Variants in MAN1A2 observed in about 807,000 individuals in gnomAD.
MAN1A2 encodes mannosidase alpha class 1A member 2.
Under a neutral mutation model 75.7 loss-of-function variants are expected in MAN1A2, and 26 were observed. The ratio of observed to expected loss-of-function variants is 0.34; its 90% CI spans 0.25 to 0.48. The LOEUF (loss-of-function observed/expected upper bound fraction) is 0.48, where lower values mean the gene tolerates loss of function less well. MAN1A2 is among the 20% of genes least tolerant of loss of function. MAN1A2 has a pLI of 0.99. For synonymous variants in MAN1A2, 247 were observed against 264.6 expected (o/e 0.93, Z 0.65); for missense variants, 562 against 775.5 (o/e 0.72, Z 3.27).
intron 7 of MAN1A2, 86 bp from the exon 8 acceptor site, chr1:117,466,248 T>A: frequency 2.4e-6 from 2 of 841,492 alleles, no homozygotes; most frequent in Non-Finnish European, 3.7e-6. Flanking sequence ...AGATTCTGAG[T>A]AAGAAAAAAC....
intron 11 of MAN1A2, 64 bp from the exon 12 acceptor site, chr1:117,502,791 T>C: frequency 4.9e-6 from 4 of 819,754 alleles, no homozygotes; most frequent in Non-Finnish European, 8.3e-6. Flanking sequence ...TCCTTCAAAG[T>C]TTTGTTGTCC....
intron 3 of MAN1A2, among the ~76,000 whole-genome samples, chr1:117,412,704 G>C (rs1259192257): frequency 1.3e-5 from 2 of 151,756 alleles, no homozygotes; most frequent in African/African-American, 4.8e-5. Flanking sequence ...TTTGACCCAA[G>C]AATAGTGTTA....
At chr1:117,404,159 T>C (rs1459702350) in intron 2 of MAN1A2, among the ~76,000 whole-genome samples, 2 of 152,208 alleles carry the variant, frequency 1.3e-5, no homozygotes, top group Admixed American at 6.5e-5. Flanking sequence ...ATGTTGCTAA[T>C]TTTTCTTAAG....
At chr1:117,387,343 T>G (rs940323789) in intron 1 of MAN1A2, among the ~76,000 whole-genome samples, 2 of 152,188 alleles carry the variant, frequency 1.3e-5, no homozygotes, top group Admixed American at 6.5e-5. Context: ...GGTGTGTTCC[T>G]TTCAGCAGTC....
chr1:117,389,517 C>CA (rs1325270958), intron 1 of MAN1A2, among the ~76,000 whole-genome samples: 1 of 152,088 alleles, frequency 6.6e-6, no homozygotes, highest in Non-Finnish European at 1.5e-5. Flanking sequence ...GCTTGCCAGC[C>CA]GAGTTCCTAA....
At chr1:117,442,399 C>A in intron 6 of MAN1A2, 74 bp downstream of exon 6, 2 of 918,978 alleles carry the variant, frequency 2.2e-6, no homozygotes, top group South Asian at 2.9e-5. Flanking sequence ...TCTAATGAGT[C>A]ACCCCCACAT....
chr1:117,373,491 T>G (rs947957081), intron 1 of MAN1A2, among the ~76,000 whole-genome samples: 2 of 149,802 alleles, frequency 1.3e-5, no homozygotes, highest in African/African-American at 5.0e-5. Flanking sequence ...TTTGTTTTTT[T>G]TTTTTTTTTT....
intron 1 of MAN1A2, among the ~76,000 whole-genome samples, chr1:117,386,712 G>A (rs1479855456): frequency 2.0e-5 from 1 of 49,534 alleles, no homozygotes; most frequent in Admixed American, 2.0e-4. Flanking sequence ...CTTTGGCTCG[G>A]CTCAGTGGCT....
In MAN1A2 at chr1:117,419,123, C is replaced by T. The variant is rs184672615; in HGVS notation, c.775-1446C>T. Reference sequence around the variant, plus strand: ...AAAGGGATATTAATACAAGGGATGTCAAAGAGGTTGTAGGGGATCTGAGCA... The same window carrying T: ...AAAGGGATATTAATACAAGGGATGTTAAAGAGGTTGTAGGGGATCTGAGCA... On this transcript the variant is annotated intron_variant, in intron 4 of 12. Coordinates refer to ENST00000356554, the MANE Select transcript of MAN1A2 (RefSeq NM_006699.5). Among the ~76,000 whole-genome samples, 109 of 151,690 alleles carry T rather than the reference C, an allele frequency of 7.2e-4. 1 individual carries two copies. The highest frequency in any genetic ancestry group is 2.6e-3 in the African/African-American group (108 of 41,290).
intron 6 of MAN1A2, among the ~76,000 whole-genome samples, chr1:117,443,698 CT>C (rs1341114782): frequency 2.6e-5 from 4 of 152,016 alleles, no homozygotes; most frequent in African/African-American, 4.8e-5. Flanking sequence ...AATTTAATTT[CT>C]TTGGTATGTA....
chr1:117,405,664 A>G lies in MAN1A2; in HGVS notation c.655+19A>G, dbSNP rs1205777590. 7.3e-7 allele frequency: 1 copy of G among 1,366,520 alleles called. No individual in the cohort carries two copies. Among genetic ancestry groups the G allele is most frequent in the East Asian group, 2.3e-5 (1 of 43,594 alleles). The allele number at this position is 1,366,520 out of a possible 1,614,324, so 84.6% of individuals were successfully genotyped here. On this transcript the variant is annotated intron_variant, in intron 3 of 12. Coordinates refer to ENST00000356554, the MANE Select transcript of MAN1A2 (RefSeq NM_006699.5). ...ATATTTGGTAAGTTTACTTTTTCTA[A>G]TTACTATTTCCATTTTCTACCTCCA...
intron 5 of MAN1A2, among the ~76,000 whole-genome samples, chr1:117,438,665 T>C (rs1318439630): frequency 6.6e-6 from 1 of 152,250 alleles, no homozygotes; most frequent in Non-Finnish European, 1.5e-5. Context: ...ATTTTTACTG[T>C]ACTTTTTCTA....
intron 1 of MAN1A2, among the ~76,000 whole-genome samples, chr1:117,375,507 ATATTT>A (rs1464104369): frequency 1.3e-5 from 2 of 152,210 alleles, no homozygotes; most frequent in Non-Finnish European, 1.5e-5. Context: ...TTTTAAAAAA[ATATTT>A]ATATAATCAA....
At chr1:117,395,903 T>G (rs1002077238) in intron 1 of MAN1A2, among the ~76,000 whole-genome samples, 23 of 152,162 alleles carry the variant, frequency 1.5e-4, no homozygotes, top group African/African-American at 5.3e-4. Flanking sequence ...GGATCCAGAT[T>G]AAAATCAGCC....
At chr1:117,415,472 A>G (rs557478612) in intron 4 of MAN1A2, among the ~76,000 whole-genome samples, 5 of 152,092 alleles carry the variant, frequency 3.3e-5, no homozygotes, top group Admixed American at 6.6e-5. Context: ...AAATTGTGAT[A>G]TAAGTCCATA....
chr1:117,458,521 A>ATTTTTTTTTTTTTTTTTT (rs1409683905), intron 6 of MAN1A2, among the ~76,000 whole-genome samples: 1 of 94,334 alleles, frequency 1.1e-5, no homozygotes, highest in African/African-American at 4.0e-5. Context: ...AGATATATAT[A>ATTTTTTTTTTTTTTTTTT]TATTTTTTTT....
chr1:117,376,668 CATT>C (rs1653155215), intron 1 of MAN1A2, among the ~76,000 whole-genome samples: 1 of 152,208 alleles, frequency 6.6e-6, no homozygotes, highest in Non-Finnish European at 1.5e-5. Flanking sequence ...GAATTCCTAA[CATT>C]GTGTGAAGTT....
At chr1:117,370,739 G>GTGTGTGTA (rs1491159845) in intron 1 of MAN1A2, among the ~76,000 whole-genome samples, 5 of 212 alleles carry the variant, frequency 0.024, no homozygotes, top group African/African-American at 0.044. Context: ...TCTTCATTTA[G>GTGTGTGTA]TGTGTGTGTG....
chr1:117,395,801 C>T (rs1292880164), intron 1 of MAN1A2, among the ~76,000 whole-genome samples: 2 of 152,222 alleles, frequency 1.3e-5, no homozygotes, highest in African/African-American at 2.4e-5. Flanking sequence ...ACCACTCTCA[C>T]ATCTGGCACC....
Sources: gnomAD v4.1 joint callset for allele counts (sites outside exome capture counted in the v4.1 genomes callset) on GRCh38, gnomAD v4.1.1 for gene constraint, MANE v1.5 for transcripts, NCBI Gene and HGNC (gene_info 2026-07-23, HGNC 2026-07-21) for gene names.